COX4I1: variants seen among roughly 807,000 people sequenced by gnomAD.
The protein encoded by COX4I1 is cytochrome c oxidase subunit 4I1.
COX4I1 carries 18 observed loss-of-function variants against 21.7 expected under a neutral mutation model. That is an observed-to-expected ratio of 0.83 (90% CI 0.57 to 1.23). The LOEUF (loss-of-function observed/expected upper bound fraction) is 1.23, where lower values mean the gene tolerates loss of function less well. COX4I1 is among the 50% of genes most tolerant of loss of function. COX4I1 has a pLI of 0.00. For missense variants in COX4I1, 238 were observed against 220.7 expected, an observed-to-expected ratio of 1.08 and a Z score of -0.50; for synonymous variants, 100 against 81.5, an observed-to-expected ratio of 1.23 and a Z score of -1.23.
chr16:85,804,842 G>T (rs951566091), intron 2 of COX4I1, 95 bp from the exon 3 acceptor site: 4 of 1,122,386 alleles, frequency 3.6e-6, no homozygotes, highest in Non-Finnish European at 5.1e-6. Flanking sequence ...GTTTCAAGGC[G>T]TGCACATGTC....
chr16:85,805,668 G>C (rs1906132785), intron 3 of COX4I1, 65 bp from the exon 4 acceptor site: 1 of 1,600,210 alleles, frequency 6.2e-7, no homozygotes, highest in Non-Finnish European at 8.5e-7. Flanking sequence ...AGAAGTGGTT[G>C]AATGTTGCAG....
At chr16:85,806,608 G>C (rs1036269267) in intron 4 of COX4I1, 130 bp from the exon 5 acceptor site, 6 of 1,291,522 alleles carry the variant, frequency 4.6e-6, no homozygotes, top group Non-Finnish European at 6.7e-6. Flanking sequence ...GTGTTTGAGC[G>C]GGTGTTGAGT....
In COX4I1 at chr16:85,805,769, TG is replaced by T. The variant is rs1365836549; in HGVS notation, c.279del (p.Met93IlefsTer56). On this transcript the variant is annotated frameshift_variant, in exon 4 of 5. Coordinates refer to ENST00000253452, the MANE Select transcript of COX4I1 (RefSeq NM_001861.6). LOFTEE classifies it high-confidence loss of function. The part of the protein sequence containing the change: ...RIKFKESFAE[M>X]NRGSNEWKTV... ...AAGTTCAAGGAGAGCTTTGCTGAGA[TG>T]AACAGGGGCTCGAACGAGTGGAAGA... 1 of 1,614,258 alleles carries T rather than the reference TG, an allele frequency of 6.2e-7. No individual in the cohort carries two copies. The highest frequency in any genetic ancestry group is 1.7e-5 in the Admixed American group (1 of 60,030).
At chr16:85,806,261 C>A in intron 4 of COX4I1, 1 of 597,278 alleles carries the variant, frequency 1.7e-6, no homozygotes, top group Non-Finnish European at 3.0e-6. Context: ...CAACAGCCAG[C>A]ATCTGGGGGT....
rs1303976763 is a variant in COX4I1, at chr16:85,799,905, T to G, written c.-2+153T>G. 6.6e-6 allele frequency: 1 copy of G among 152,036 alleles called. No homozygotes were observed. Among genetic ancestry groups the G allele is most frequent in the African/African-American group, 2.4e-5 (1 of 41,380 alleles). 9.4% of individuals were successfully genotyped at this position (152,036 alleles called of 1,614,324 possible). ...GCCAGGTGACATTGAGGCCGGCCCG[T>G]GGGGACTCCGGGCTCGGTGGCTCCA... On this transcript the variant is annotated intron_variant, in intron 1 of 4. Transcript: ENST00000253452. This position sits in a 1 kb window ranked among gnomAD's most constrained non-coding sequence, Gnocchi z 4.2.
At chr16:85,804,054 G>A (rs1346601038) in intron 2 of COX4I1, 1 of 152,264 alleles carries the variant, frequency 6.6e-6, no homozygotes, top group East Asian at 1.9e-4. Flanking sequence ...CTAGAACCCT[G>A]CCTTGCCTGT....
At chr16:85,805,312 G>C in intron 3 of COX4I1, 1 of 561,622 alleles carries the variant, frequency 1.8e-6, no homozygotes, top group South Asian at 2.3e-5. Context: ...CTTTTGCTAG[G>C]CCCCCTTCTC....
rs1210861451 is a variant in COX4I1, at chr16:85,805,044, G to C, written c.181G>C (p.Ala61Pro). The C allele has an allele frequency of 1.2e-5, 19 of 1,614,004 alleles. No homozygotes were observed. Among genetic ancestry groups the C allele is most frequent in the Non-Finnish European group, 1.6e-5 (19 of 1,179,998 alleles). ...HVKHLSASQK[A>P]LKEKEKASWS... ...CAAGCACCTGTCTGCCAGCCAGAAG[G>C]CATTGAAGGAGAAGGAGAAGGCCTC... The change falls in exon 3 of 5, where the codon GCA (alanine) becomes CCA (proline). Residue 61 changes from alanine (A) to proline (P), a missense_variant. Physicochemically the swap from Ala to Pro is conservative, Grantham distance 27. Transcript: ENST00000253452.
chr16:85,805,125 C>G, intron 3 of COX4I1, 21 bp downstream of exon 3: 1 of 1,600,518 alleles, frequency 6.2e-7, no homozygotes, highest in Non-Finnish European at 8.5e-7. Flanking sequence ...AAGGGACCCA[C>G]AGGCGCGCCC....
At position 85,804,648 on chromosome 16, in the gene COX4I1, G is replaced by A. The variant is rs111410079; in HGVS notation, c.74-289G>A. On this transcript the variant is annotated intron_variant, in intron 2 of 4. Coordinates refer to ENST00000253452, the MANE Select transcript of COX4I1 (RefSeq NM_001861.6). ...TGGGATTACAGGTGTGAGCCACCGC[G>A]CCCAGCCCTGCAGGTAACTGTTAAT... 67 of 257,538 alleles carry A rather than the reference G, an allele frequency of 2.6e-4. 1 individual carries two copies. The highest frequency in any genetic ancestry group is 1.2e-3 in the African/African-American group (54 of 44,636). The allele number at this position is 257,538 out of a possible 1,614,324, so 16.0% of individuals were successfully genotyped here. A position where few individuals can be genotyped will look rare whatever the true frequency, so the allele number is the denominator to read the frequency against.
At chr16:85,805,258 G>C (rs1906101048) in intron 3 of COX4I1, 154 bp downstream of exon 3, 1 of 703,046 alleles carries the variant, frequency 1.4e-6, no homozygotes, top group African/African-American at 1.8e-5. Flanking sequence ...CAGGGCCCCA[G>C]TTTATGTGCT....
At position 85,801,229 on chromosome 16, in the gene COX4I1, C is replaced by T. The variant is rs1198492557; in HGVS notation, c.24C>T (p.Ser8=). The change falls in exon 2 of 5, where the codon AGC becomes AGT. Residue 8 remains serine (S), a synonymous_variant. Coordinates refer to ENST00000253452, the MANE Select transcript of COX4I1 (RefSeq NM_001861.6). MLATRVF[S]LVGKRAISTS... ...GAATGTTGGCTACCAGGGTATTTAG[C>T]CTAGTTGGCAAGCGAGCAATTTCCA... 1.9e-6 allele frequency: 3 copies of T among 1,609,584 alleles called. No homozygotes were observed. The highest frequency in any genetic ancestry group is 1.3e-5 in the African/African-American group (1 of 74,884).
At position 85,799,944 on chromosome 16, in the gene COX4I1, G is replaced by C. The variant is rs1305540673; in HGVS notation, c.-2+192G>C. 1 of 152,310 alleles carries C rather than the reference G, an allele frequency of 6.6e-6. No individual in the cohort carries two copies. The highest frequency in any genetic ancestry group is 2.4e-5 in the African/African-American group (1 of 41,574). 9.4% of individuals were successfully genotyped at this position (152,310 alleles called of 1,614,324 possible). A position where few individuals can be genotyped will look rare whatever the true frequency, so the allele number is the denominator to read the frequency against. On this transcript the variant is annotated intron_variant, in intron 1 of 4. Transcript: ENST00000253452. This position sits in a 1 kb window ranked among gnomAD's most constrained non-coding sequence, Gnocchi z 4.2. ...TCGGTGGCTCCAGGCTCGGGGGGCC[G>C]CCCCGAAGTGCCCGGTCCATCTTAC... is the stretch of plus-strand genomic sequence containing the variant.
chr16:85,800,119 G>C (rs548484117), intron 1 of COX4I1, among the ~76,000 whole-genome samples: 1 of 152,312 alleles, frequency 6.6e-6, no homozygotes, highest in African/African-American at 2.4e-5. Context: ...AACCCCTCCC[G>C]GGTTTTGCGG....
intron 4 of COX4I1, chr16:85,806,422 T>C (rs1255959546): frequency 1.8e-6 from 1 of 557,398 alleles, no homozygotes; most frequent in Non-Finnish European, 3.2e-6. Flanking sequence ...TGGATGTGGG[T>C]TAATAACAGA....
intron 4 of COX4I1, chr16:85,806,452 C>A: frequency 1.4e-6 from 1 of 703,388 alleles, no homozygotes; most frequent in Non-Finnish European, 2.6e-6. Context: ...ATTTGATCTT[C>A]CAGGTCACCT....
At chr16:85,805,677 A>C in intron 3 of COX4I1, 56 bp from the exon 4 acceptor site, 2 of 1,604,656 alleles carry the variant, frequency 1.2e-6, no homozygotes. Context: ...TGAATGTTGC[A>C]GAGGAGGGAG....
intron 2 of COX4I1, chr16:85,804,677 G>C (rs1227245404): frequency 2.8e-6 from 1 of 352,036 alleles, no homozygotes; most frequent in Non-Finnish European, 5.2e-6. Flanking sequence ...TGTTAATGTA[G>C]GAAGTGCTGC....
intron 4 of COX4I1, 116 bp downstream of exon 4, chr16:85,805,980 C>G: frequency 7.1e-7 from 1 of 1,403,686 alleles, no homozygotes; most frequent in Non-Finnish European, 9.8e-7. Flanking sequence ...GGACTGCATT[C>G]CAGAGTTCAT....
Sources: allele counts gnomAD v4.1 joint callset (sites outside exome capture counted in the v4.1 genomes callset), GRCh38; gene constraint gnomAD v4.1.1; non-coding constraint Gnocchi (gnomAD v3.1); transcripts MANE v1.5; gene names NCBI Gene and HGNC (gene_info 2026-07-23, HGNC 2026-07-21).